The following TARM1 variants were observed in gnomAD, a reference collection of about 807,000 sequenced individuals.
TARM1 encodes T-cell-interacting, activating receptor on myeloid cells protein 1.
TARM1 carries 24 observed loss-of-function variants against 30.4 expected under a neutral mutation model. That is an observed-to-expected ratio of 0.79 (90% CI 0.57 to 1.11). The LOEUF is 1.11. Ranked by LOEUF, TARM1 falls within the 50% of genes least tolerant of loss-of-function variation. The pLI is 0.00. For synonymous variants in TARM1, 129 were observed against 138.9 expected, an observed-to-expected ratio of 0.93 and a Z score of 0.50; for missense variants, 323 against 332.8, an observed-to-expected ratio of 0.97 and a Z score of 0.23.
chr19:54,081,305 A>G lies in TARM1; in HGVS notation c.34+2T>C, dbSNP rs1363926885. On this transcript the variant is annotated splice_donor_variant, in intron 1 of 4. Coordinates refer to ENST00000432826, the MANE Select transcript of TARM1 (RefSeq NM_001135686.3). LOFTEE classifies it high-confidence loss of function. ...CCCAGTGGATAGCCCTGTGAGACTT[A>G]CTGAAACAGAGGAGGGAAAGCAGCT... 6.5e-7 allele frequency: 1 copy of G among 1,548,752 alleles called. No individual in the cohort carries two copies. Among genetic ancestry groups the G allele is most frequent in the Non-Finnish European group, 8.7e-7 (1 of 1,146,046 alleles).
At chr19:54,073,384 G>A (rs2071859394) in intron 4 of TARM1, among the ~76,000 whole-genome samples, 1 of 115,792 alleles carries the variant, frequency 8.6e-6, no homozygotes, top group Admixed American at 1.1e-4. Context: ...ACTCCATCCT[G>A]GCAACAGAGT....
chr19:54,079,264 C>T (rs1453141494), intron 1 of TARM1, among the ~76,000 whole-genome samples: 14 of 44,314 alleles, frequency 3.2e-4, no homozygotes, highest in Non-Finnish European at 6.0e-4. Context: ...ACTCCATCTC[C>T]GAAAAAAAAA....
chr19:54,080,496 GAGGAAGGAAGGAAGGA>G (rs58067817), intron 1 of TARM1, among the ~76,000 whole-genome samples: 6,508 of 106,942 alleles, frequency 0.061, 442 homozygotes, highest in African/African-American at 0.091. Context: ...GGAAGGAAGG[GAGGAAGGAAGGAAGGA>G]AGGAAGGAAG....
intron 4 of TARM1, among the ~76,000 whole-genome samples, chr19:54,071,231 T>G (rs60233183): frequency 0.29 from 44,495 of 151,928 alleles, 6,704 homozygotes; most frequent in Middle Eastern, 0.34. Context: ...GTGCTGGGAT[T>G]ACAGGCCTGA....
chr19:54,072,100 A>G (rs756613377), intron 4 of TARM1, among the ~76,000 whole-genome samples: 27 of 151,872 alleles, frequency 1.8e-4, no homozygotes, highest in Non-Finnish European at 3.4e-4. Flanking sequence ...GAGGCAGAAG[A>G]ATCGTTTGAA....
In TARM1 at chr19:54,074,353, T is replaced by C. The variant is rs137876064; in HGVS notation, c.362-137A>G. 652 of 834,622 alleles carry C rather than the reference T, an allele frequency of 7.8e-4. 6 individuals are homozygous for C. In the African/African-American group the frequency reaches 0.01, roughly 13 times the overall value. The allele number at this position is 834,622 out of a possible 1,614,324, so 51.7% of individuals were successfully genotyped here. On this transcript the variant is annotated intron_variant, in intron 3 of 4. Coordinates refer to ENST00000432826, the MANE Select transcript of TARM1 (RefSeq NM_001135686.3). ...ATCTCTTCTACCTTCCTCCACTTCC[T>C]ACTCCGACCCCAGGACAGAGATTCT...
chr19:54,080,921 G>A (rs184450617), intron 1 of TARM1, among the ~76,000 whole-genome samples: 7 of 152,124 alleles, frequency 4.6e-5, no homozygotes, highest in African/African-American at 1.2e-4. Context: ...GTGGTGAGCC[G>A]AGATCACGCC....
Position 54,080,140 on chromosome 19 carries a change from AAAGCAAGCAAGCAAGCAAGC to A in TARM1, c.34+1147_34+1166del, listed in dbSNP as rs375418750. ...GGAAGGAAGGAAGGAAGGAAGGAAG[AAAGCAAGCAAGCAAGCAAGC>A]AAGCAAGCAAGCAAGCAAGCAAGCA... is the stretch of plus-strand genomic sequence containing the variant. On this transcript the variant is annotated intron_variant, in intron 1 of 4. Coordinates refer to ENST00000432826, the MANE Select transcript of TARM1 (RefSeq NM_001135686.3). 1.1e-3 allele frequency among the ~76,000 whole-genome samples: 89 copies of A among 80,274 alleles called. 19 individuals are homozygous for A. Among genetic ancestry groups the A allele is most frequent in the Admixed American group, 3.4e-3 (21 of 6,208 alleles). 52.7% of individuals were successfully genotyped at this position (80,274 alleles called of 152,430 possible).
chr19:54,078,075 C>T lies in TARM1; in HGVS notation c.35-2157G>A, dbSNP rs1568509053. Among the ~76,000 whole-genome samples, 2 of 150,952 alleles carry T rather than the reference C, an allele frequency of 1.3e-5. 1 individual carries two copies. Among genetic ancestry groups the T allele is most frequent in the East Asian group, 3.9e-4 (2 of 5,064 alleles). ...CTAATTTTGTATTTTTTAGTAGAGA[C>T]AGGGTTTCACCATGTTGGTCAGGCT... On this transcript the variant is annotated intron_variant, in intron 1 of 4. Transcript: ENST00000432826.
At chr19:54,078,178 CTTTTTTTTTTTTTTTT>C (rs869101071) in intron 1 of TARM1, among the ~76,000 whole-genome samples, 1 of 67,806 alleles carries the variant, frequency 1.5e-5, no homozygotes, top group Admixed American at 2.2e-4. Context: ...TTCTTTCTTT[CTTTTTTTTTTTTTTTT>C]TTTTTTTTTG....
chr19:54,073,407 CAAAAAAAAAAAAAA>C (rs745643672), intron 4 of TARM1, among the ~76,000 whole-genome samples: 3 of 66,082 alleles, frequency 4.5e-5, no homozygotes, highest in African/African-American at 1.8e-4. Context: ...GACTCCATTT[CAAAAAAAAAAAAAA>C]AAAAAAAAAA....
chr19:54,080,117 AAGGAAGGAAGGAAGG>A (rs2072069288), intron 1 of TARM1, among the ~76,000 whole-genome samples: 2 of 36,264 alleles, frequency 5.5e-5, no homozygotes, highest in Non-Finnish European at 1.2e-4. Context: ...GGAAGGAAGG[AAGGAAGGAAGGAAGG>A]AAGGAAGAAA....
At chr19:54,080,256 C>G (rs1299819142) in intron 1 of TARM1, among the ~76,000 whole-genome samples, 2 of 151,254 alleles carry the variant, frequency 1.3e-5, no homozygotes, top group Admixed American at 6.6e-5. Flanking sequence ...GCGGGCAGAT[C>G]AAGAAGTCAG....
chr19:54,074,281 C>T, intron 3 of TARM1, 65 bp from the exon 4 acceptor site: 1 of 1,448,226 alleles, frequency 6.9e-7, no homozygotes, highest in Non-Finnish European at 9.4e-7. Context: ...CACCCCTGTT[C>T]TCCTGGCCGG....
chr19:54,070,985 TCTCA>T (rs1434072516), intron 4 of TARM1, among the ~76,000 whole-genome samples: 1 of 152,130 alleles, frequency 6.6e-6, no homozygotes, highest in Admixed American at 6.6e-5. Flanking sequence ...TGAGACGACG[TCTCA>T]CTCTGTTGCT....
At chr19:54,075,967 C>G in intron 1 of TARM1, 49 bp from the exon 2 acceptor site, 1 of 1,547,154 alleles carries the variant, frequency 6.5e-7, no homozygotes, top group South Asian at 1.2e-5. Flanking sequence ...GGAGCCACGT[C>G]ACCCCCTGCC....
chr19:54,079,764 C>T lies in TARM1; in HGVS notation c.34+1543G>A, dbSNP rs587684379. ...GCACTTTGGGAGGCTGAGGCTGAGG[C>T]GGGCAGATCACCTGAGGTGATCACC... On this transcript the variant is annotated intron_variant, in intron 1 of 4. Transcript: ENST00000432826. 1.3e-4 allele frequency among the ~76,000 whole-genome samples: 20 copies of T among 151,460 alleles called. 1 individual carries two copies. In the South Asian group the frequency reaches 3.1e-3, roughly 24 times the overall value.
At chr19:54,074,614 C>T (rs2071897875) in intron 3 of TARM1, among the ~76,000 whole-genome samples, 1 of 152,160 alleles carries the variant, frequency 6.6e-6, no homozygotes, top group South Asian at 2.1e-4. Flanking sequence ...GCCCAGGAGG[C>T]GGAAGTTGCA....
At chr19:54,076,314 CTCTT>C (rs756791666) in intron 1 of TARM1, 1 of 765,722 alleles carries the variant, frequency 1.3e-6, no homozygotes, top group Non-Finnish European at 1.9e-6. Context: ...CAGAGTCTCG[CTCTT>C]TCTTTCTTTT....
Sources: allele counts gnomAD v4.1 joint callset (sites outside exome capture counted in the v4.1 genomes callset), GRCh38; gene constraint gnomAD v4.1.1; transcripts MANE v1.5; gene names NCBI Gene and HGNC (gene_info 2026-07-23, HGNC 2026-07-21).